Variants in CRPPA observed in about 807,000 individuals in gnomAD.
The protein encoded by CRPPA is D-ribitol-5-phosphate cytidylyltransferase.
In CRPPA, 43 loss-of-function variants were observed where a neutral mutation model predicts 52.0. The ratio of observed to expected loss-of-function variants is 0.83; its 90% CI spans 0.65 to 1.07. The LOEUF is 1.07. CRPPA is among the 50% of genes least tolerant of loss of function. The pLI is 0.00. For missense variants in CRPPA, 629 were observed against 551.7 expected (o/e 1.14, Z -1.40); for synonymous variants, 250 against 203.5 (o/e 1.23, Z -1.94).
intron 9 of CRPPA, among the ~76,000 whole-genome samples, chr7:16,138,439 A>G (rs1181352301): frequency 6.6e-6 from 1 of 152,226 alleles, no homozygotes; most frequent in Non-Finnish European, 1.5e-5. Context: ...AGAATATTTT[A>G]GAATCATTTA....
intron 4 of CRPPA, 127 bp downstream of exon 4, chr7:16,308,396 T>C (rs746762421): frequency 3.1e-4 from 196 of 624,488 alleles, no homozygotes; most frequent in Non-Finnish European, 5.2e-4. Flanking sequence ...ATACTACACA[T>C]TGATGGTTCA....
chr7:16,302,732 G>T (rs1296371982), intron 4 of CRPPA, among the ~76,000 whole-genome samples: 1 of 152,192 alleles, frequency 6.6e-6, no homozygotes, highest in East Asian at 1.9e-4. Context: ...CACCCACACA[G>T]AACCTTTCCT....
At chr7:16,381,245 T>C (rs78546001) in intron 2 of CRPPA, among the ~76,000 whole-genome samples, 3 of 152,236 alleles carry the variant, frequency 2.0e-5, no homozygotes, top group Admixed American at 6.5e-5. Flanking sequence ...CATTTCGTTA[T>C]GTATCCAGTA....
At chr7:16,406,665 A>T (rs1787961746) in intron 1 of CRPPA, among the ~76,000 whole-genome samples, 2 of 152,236 alleles carry the variant, frequency 1.3e-5, no homozygotes, top group South Asian at 4.1e-4. Flanking sequence ...ATGAAAAAAT[A>T]GTCTATAGTT....
intron 9 of CRPPA, among the ~76,000 whole-genome samples, chr7:16,206,344 T>C (rs780074103): frequency 6.6e-6 from 1 of 152,152 alleles, no homozygotes; most frequent in East Asian, 1.9e-4. Context: ...CTTGCAAGCC[T>C]ATGAACAAAA....
chr7:16,185,789 C>T (rs2128388938), intron 9 of CRPPA, among the ~76,000 whole-genome samples: 1 of 152,226 alleles, frequency 6.6e-6, no homozygotes, highest in East Asian at 1.9e-4. Flanking sequence ...TCAGGAGGCA[C>T]TGATTGGAAA....
intron 9 of CRPPA, among the ~76,000 whole-genome samples, chr7:16,207,723 T>A (rs953932166): frequency 6.6e-6 from 1 of 152,214 alleles, no homozygotes; most frequent in African/African-American, 2.4e-5. Context: ...CATTATTTCT[T>A]CACTATTTCA....
At chr7:16,383,340 C>T (rs1208655377) in intron 2 of CRPPA, among the ~76,000 whole-genome samples, 1 of 152,184 alleles carries the variant, frequency 6.6e-6, no homozygotes, top group Non-Finnish European at 1.5e-5. Context: ...GCTGTCTGAT[C>T]GTTCCTCTGG....
intron 6 of CRPPA, among the ~76,000 whole-genome samples, chr7:16,268,604 GA>G (rs1471790169): frequency 6.6e-6 from 1 of 152,002 alleles, no homozygotes; most frequent in Non-Finnish European, 1.5e-5. Context: ...AAATACTAAG[GA>G]TAAATTACAT....
At chr7:16,345,102 AG>A (rs1185147891) in intron 3 of CRPPA, among the ~76,000 whole-genome samples, 1 of 152,220 alleles carries the variant, frequency 6.6e-6, no homozygotes, top group African/African-American at 2.4e-5. Flanking sequence ...GAATCTTGAA[AG>A]TAGTAAGAGC....
intron 9 of CRPPA, among the ~76,000 whole-genome samples, chr7:16,149,525 T>G (rs561423546): frequency 1.1e-4 from 17 of 152,260 alleles, no homozygotes; most frequent in African/African-American, 4.1e-4. Flanking sequence ...CATGAGGAAA[T>G]GAAGGCCATT....
intron 9 of CRPPA, among the ~76,000 whole-genome samples, chr7:16,201,969 G>A (rs954856648): frequency 3.9e-5 from 6 of 152,100 alleles, no homozygotes; most frequent in Non-Finnish European, 8.8e-5. Flanking sequence ...TAAAGGTAAT[G>A]TTCCTAACAC....
At chr7:16,106,769 A>G (rs970618727) in intron 9 of CRPPA, among the ~76,000 whole-genome samples, 1 of 152,204 alleles carries the variant, frequency 6.6e-6, no homozygotes, top group African/African-American at 2.4e-5. Context: ...AAAAGAAAGT[A>G]ATAAAGCCCC....
rs886043337 is a variant in CRPPA, at chr7:16,259,017, T to C, written c.934-5A>G. The stretch of plus-strand genomic sequence containing the variant: ...CTCAGATGTGACTTTTACATGCTAG[T>C]AGGAAAAAACAGAAATGAATTCACA... On this transcript the variant is annotated splice_region_variant and splice_polypyrimidine_tract_variant and intron_variant, in intron 6 of 9. Transcript: ENST00000407010. 3 of 1,597,706 alleles carry C rather than the reference T, an allele frequency of 1.9e-6. No individual in the cohort carries two copies. The highest frequency in any genetic ancestry group is 1.1e-5 in the South Asian group (1 of 88,786).
intron 8 of CRPPA, among the ~76,000 whole-genome samples, chr7:16,248,758 G>A (rs1206439588): frequency 1.3e-5 from 2 of 152,186 alleles, no homozygotes; most frequent in Admixed American, 6.5e-5. Context: ...GAAGGGTGGG[G>A]CGTCGCCTCA....
chr7:16,204,887 C>T (rs1053346835), intron 9 of CRPPA, among the ~76,000 whole-genome samples: 7 of 152,098 alleles, frequency 4.6e-5, no homozygotes, highest in South Asian at 4.1e-4. Flanking sequence ...AACTTGGTAA[C>T]GTTTTGGATT....
intron 2 of CRPPA, among the ~76,000 whole-genome samples, chr7:16,386,125 G>A (rs975941248): frequency 1.3e-5 from 2 of 152,108 alleles, no homozygotes; most frequent in African/African-American, 4.8e-5. Flanking sequence ...ACTGAGTGGT[G>A]GAGGTGGTCT....
intron 3 of CRPPA, among the ~76,000 whole-genome samples, chr7:16,344,214 A>C (rs533402571): frequency 6.6e-6 from 1 of 152,154 alleles, no homozygotes; most frequent in Admixed American, 6.6e-5. Flanking sequence ...GCCAATATAG[A>C]GGAGGGAAAA....
In CRPPA at chr7:16,204,496, T is replaced by G. The variant is rs182845205; in HGVS notation, c.1251+11570A>C. On this transcript the variant is annotated intron_variant, in intron 9 of 9. Transcript: ENST00000407010. ...CAGGGAAGTGGGGTAAGGGGGAAATTGATGAGAAACGACATAATGGGCAGA... is the reference window on the plus strand; with the variant it reads ...CAGGGAAGTGGGGTAAGGGGGAAATGGATGAGAAACGACATAATGGGCAGA... 1.9e-3 allele frequency among the ~76,000 whole-genome samples: 282 copies of G among 152,094 alleles called. 2 individuals carry two copies. The highest frequency in any genetic ancestry group is 6.8e-3 in the Middle Eastern group (2 of 294).
Sources: gnomAD v4.1 joint callset for allele counts (sites outside exome capture counted in the v4.1 genomes callset) on GRCh38, gnomAD v4.1.1 for gene constraint, MANE v1.5 for transcripts, NCBI Gene and HGNC (gene_info 2026-07-23, HGNC 2026-07-21) for gene names.